The following IFRD1 variants were observed in gnomAD, a reference collection of about 807,000 sequenced individuals.
IFRD1 encodes the protein interferon related developmental regulator 1, also known as interferon-related developmental regulator 1.
Under a neutral mutation model 52.9 loss-of-function variants are expected in IFRD1, and 35 were observed. The ratio of observed to expected loss-of-function variants is 0.66; its 90% confidence interval spans 0.51 to 0.88. IFRD1 has a LOEUF of 0.88. Among genes scored for constraint, IFRD1 ranks in the 40% least tolerant of loss-of-function variants. The pLI is 0.00. For missense variants in IFRD1, 517 were observed against 550.8 expected, an observed-to-expected ratio of 0.94 and a Z score of 0.61; for synonymous variants, 184 against 188.4, an observed-to-expected ratio of 0.98 and a Z score of 0.19.
At chr7:112,437,011 T>C (rs1794716131) in intron 1 of IFRD1, among the ~76,000 whole-genome samples, 1 of 152,120 alleles carries the variant, frequency 6.6e-6, no homozygotes, top group Non-Finnish European at 1.5e-5. Flanking sequence ...TTTGTTTGTT[T>C]TTTTGAGACA....
chr7:112,454,659 T>C (rs1371809197), intron 1 of IFRD1, among the ~76,000 whole-genome samples: 1 of 152,142 alleles, frequency 6.6e-6, no homozygotes, highest in Admixed American at 6.5e-5. Flanking sequence ...AACTCCTTAA[T>C]TCCCCTTAAC....
At chr7:112,443,983 G>T (rs111563073) in intron 1 of IFRD1, among the ~76,000 whole-genome samples, 103 of 152,218 alleles carry the variant, frequency 6.8e-4, no homozygotes, top group African/African-American at 2.1e-3. Flanking sequence ...GTTGATTTTG[G>T]TTATGTTTGG....
chr7:112,456,823 A>T, intron 3 of IFRD1, 91 bp from the exon 4 acceptor site: 1 of 1,192,216 alleles, frequency 8.4e-7, no homozygotes, highest in Non-Finnish European at 1.2e-6. Flanking sequence ...ATCTATACAT[A>T]GGTAAAGTTT....
At position 112,450,787 on chromosome 7, in the gene IFRD1, G is replaced by A. The variant is rs1563263796; in HGVS notation, c.94+5G>A. ...CAGCGACGGCGGCGACAGCAGGTAA[G>A]GGGTATCCCCGCCGCCGGCATCCCA... On this transcript the variant is annotated splice_donor_5th_base_variant and intron_variant, in intron 1 of 11. Transcript: ENST00000403825. 5.0e-6 allele frequency: 8 copies of A among 1,605,504 alleles called. No individual in the cohort carries two copies. Among genetic ancestry groups the A allele is most frequent in the Non-Finnish European group, 6.8e-6 (8 of 1,173,628 alleles).
At chr7:112,429,644 G>A (rs532014052) in intron 1 of IFRD1, among the ~76,000 whole-genome samples, 47 of 152,074 alleles carry the variant, frequency 3.1e-4, no homozygotes, top group South Asian at 8.3e-4. Context: ...ATAATGTCCC[G>A]TCTGCTTCAA....
rs78860209 is a variant in IFRD1 at position 112,438,483 on chromosome 7, G to A, written c.-181-12025G>A. 9.9e-3 allele frequency among the ~76,000 whole-genome samples: 1,509 copies of A among 152,112 alleles called. 27 individuals are homozygous for A. Among genetic ancestry groups the A allele is most frequent in the African/African-American group, 0.034 (1,404 of 41,478 alleles). On this transcript the variant is annotated intron_variant, in intron 1 of 12. Transcript: ENST00000005558. ...ACAAGGGTAGGGAAAGAATATTCCT[G>A]AATGTTGCCTTAAGCACATAAAGAG...
At chr7:112,462,593 A>G (rs749927282) in intron 8 of IFRD1, among the ~76,000 whole-genome samples, 29 of 152,144 alleles carry the variant, frequency 1.9e-4, no homozygotes, top group Non-Finnish European at 3.8e-4. Context: ...GGTTCATTAT[A>G]CTTAATTTTT....
upstream of IFRD1, among the ~76,000 whole-genome samples, chr7:112,447,400 A>G (rs1795053996): frequency 6.6e-6 from 1 of 152,220 alleles, no homozygotes; most frequent in Non-Finnish European, 1.5e-5. Flanking sequence ...GCCTCCTGAT[A>G]TATGAGGCAG....
intron 5 of IFRD1, 108 bp downstream of exon 5, chr7:112,459,126 A>G: frequency 1.1e-6 from 1 of 950,658 alleles, no homozygotes. Flanking sequence ...AAGAGAGAGG[A>G]TCTTGTAAGT....
In IFRD1 at chr7:112,439,781, A is replaced by AG. The variant is rs529317588; in HGVS notation, c.-181-10725dup. Among the ~76,000 whole-genome samples the AG allele has an allele frequency of 3.5e-3, 535 of 152,284 alleles. 4 individuals are homozygous for AG. The highest frequency in any genetic ancestry group is 0.012 in the African/African-American group (515 of 41,562). The stretch of plus-strand genomic sequence containing the variant: ...TGCCCAAGAATAAACCATTTATAAG[A>AG]GGAATCAATTATAAGAGGAATCAAT... On this transcript the variant is annotated intron_variant, in intron 1 of 12. Coordinates refer to the IFRD1 transcript ENST00000005558.
chr7:112,448,159 AAAAAG>A (rs947904571), upstream of IFRD1, among the ~76,000 whole-genome samples: 19 of 151,960 alleles, frequency 1.3e-4, no homozygotes, highest in Non-Finnish European at 2.5e-4. Flanking sequence ...AAAGTAAGAA[AAAAAG>A]AAAAGAAATT....
In IFRD1 at chr7:112,475,607, A is replaced by G. The variant is rs893891080; in HGVS notation, c.*88A>G. 12 of 776,584 alleles carry G rather than the reference A, an allele frequency of 1.5e-5. No individual in the cohort carries two copies. In the African/African-American group the frequency reaches 2.1e-4, roughly 13 times the overall value. The allele number at this position is 776,584 out of a possible 1,614,324, so 48.1% of individuals were successfully genotyped here. ...ACTCTAGACACAGTTTTTATCCTGG[A>G]TTAACTTAGATAACTTTTGTAGCAG... On this transcript the variant is annotated 3_prime_UTR_variant, in exon 12 of 12. Coordinates refer to ENST00000403825, the MANE Select transcript of IFRD1 (RefSeq NM_001550.4).
At chr7:112,472,157 T>A in intron 9 of IFRD1, 62 bp from the exon 10 acceptor site, 4 of 1,561,802 alleles carry the variant, frequency 2.6e-6, no homozygotes, top group Non-Finnish European at 3.5e-6. Context: ...AAATTGTGTT[T>A]ACATAAGATC....
chr7:112,470,075 C>A (rs948135524), intron 9 of IFRD1, among the ~76,000 whole-genome samples: 1 of 152,110 alleles, frequency 6.6e-6, no homozygotes, highest in Non-Finnish European at 1.5e-5. Context: ...GTGGCTGCCA[C>A]ACCATTTCTT....
At chr7:112,432,779 G>A (rs973753342) in intron 1 of IFRD1, among the ~76,000 whole-genome samples, 1 of 152,192 alleles carries the variant, frequency 6.6e-6, no homozygotes, top group Non-Finnish European at 1.5e-5. Context: ...GCACTGTAGG[G>A]GTTTATGGTT....
upstream of IFRD1, among the ~76,000 whole-genome samples, chr7:112,447,119 T>C (rs1417844337): frequency 6.6e-6 from 1 of 152,228 alleles, no homozygotes; most frequent in Non-Finnish European, 1.5e-5. Context: ...TACTGAATCT[T>C]ATCTTTATTA....
intron 1 of IFRD1, among the ~76,000 whole-genome samples, chr7:112,436,405 T>C (rs926425334): frequency 3.3e-5 from 5 of 152,146 alleles, no homozygotes; most frequent in Admixed American, 2.0e-4. Context: ...TGAAAATGAA[T>C]GTAGGGGGAT....
chr7:112,464,081 G>A (rs556474879), intron 8 of IFRD1, among the ~76,000 whole-genome samples: 11 of 149,254 alleles, frequency 7.4e-5, no homozygotes, highest in African/African-American at 2.5e-4. Context: ...TGTGGGTGCT[G>A]GTTGGGGGAT....
rs201083675 is a variant in IFRD1 at position 112,458,334 on chromosome 7, T to A, written c.410-527T>A. 8.7e-3 allele frequency: 902 copies of A among 103,280 alleles called. 11 individuals are homozygous for A. The highest frequency in any genetic ancestry group is 0.024 in the South Asian group (62 of 2,574). 6.4% of individuals were successfully genotyped at this position (103,280 alleles called of 1,614,324 possible). ...ACCCTGTCTCAAAAAAAAAAAAAAA[T>A]AAATAAAGTTAATAAATGTATTTTT... On this transcript the variant is annotated intron_variant, in intron 4 of 11. Transcript: ENST00000403825.
Sources: gnomAD v4.1 joint callset for allele counts (sites outside exome capture counted in the v4.1 genomes callset) on GRCh38, gnomAD v4.1.1 for gene constraint, MANE v1.5 for transcripts, NCBI Gene and HGNC (gene_info 2026-07-23, HGNC 2026-07-21) for gene names.